Variants in UBR3 observed in about 807,000 individuals in gnomAD.
UBR3 encodes the protein E3 ubiquitin-protein ligase UBR3.
A neutral mutation model predicts 243.2 loss-of-function variants in UBR3; 85 were observed. The ratio of observed to expected loss-of-function variants is 0.35; its 90% CI spans 0.29 to 0.42. The LOEUF (loss-of-function observed/expected upper bound fraction) is 0.42. UBR3 is among the 10% of genes least tolerant of loss of function. The pLI, the probability that UBR3 is intolerant of heterozygous loss-of-function variation, is 1.00. For missense variants in UBR3, 1,686 were observed against 2,300.8 expected (o/e 0.73, Z 5.47); for synonymous variants, 748 against 799.8 (o/e 0.94, Z 1.09).
At chr2:169,997,873 A>T (rs1333529431) in intron 26 of UBR3, among the ~76,000 whole-genome samples, 1 of 152,048 alleles carries the variant, frequency 6.6e-6, no homozygotes, top group Non-Finnish European at 1.5e-5. Context: ...GACCTGATAA[A>T]AGCACCATTT....
At chr2:169,909,036 G>C (rs919391560) in intron 10 of UBR3, among the ~76,000 whole-genome samples, 1 of 151,842 alleles carries the variant, frequency 6.6e-6, no homozygotes, top group East Asian at 1.9e-4. Flanking sequence ...CTGTAGCCAG[G>C]ATGGTCTCAA....
At chr2:169,829,812 AGTACACAC>A (rs1294289311) in intron 1 of UBR3, among the ~76,000 whole-genome samples, 1 of 128,796 alleles carries the variant, frequency 7.8e-6, no homozygotes, top group African/African-American at 3.1e-5. Flanking sequence ...ATAGCTAAAA[AGTACACAC>A]ACACACACAC....
intron 5 of UBR3, among the ~76,000 whole-genome samples, chr2:169,890,565 G>GTGTGTGTATATATATATGTATATATATA (rs1559064202): frequency 2.8e-5 from 2 of 71,186 alleles, no homozygotes; most frequent in African/African-American, 1.5e-4. Flanking sequence ...ATATATATAT[G>GTGTGTGTATATATATATGTATATATATA]TGTATATATA....
chr2:170,031,884 A>T (rs1219257718), intron 31 of UBR3, among the ~76,000 whole-genome samples: 2 of 152,148 alleles, frequency 1.3e-5, no homozygotes, highest in East Asian at 3.8e-4. Context: ...ATAGTAGTCC[A>T]TGGTATATAG....
At position 169,906,026 on chromosome 2, in the gene UBR3, G is replaced by T. The variant is rs2084998134; in HGVS notation, c.1646-5G>T. On this transcript the variant is annotated splice_polypyrimidine_tract_variant and splice_region_variant and intron_variant, in intron 9 of 38. Transcript: ENST00000272793. The stretch of plus-strand genomic sequence containing the variant: ...AAGGTTTATATCTGCTTTAATTTTT[G>T]CCAGGTATGAACTTAAACAAGCGAG... 6.5e-7 allele frequency: 1 copy of T among 1,547,684 alleles called. No individual in the cohort carries two copies. The highest frequency in any genetic ancestry group is 8.7e-7 in the Non-Finnish European group (1 of 1,145,902).
intron 25 of UBR3, among the ~76,000 whole-genome samples, chr2:169,993,516 A>C (rs1452441127): frequency 6.6e-6 from 1 of 152,174 alleles, no homozygotes; most frequent in African/African-American, 2.4e-5. Context: ...TGTTCCATAG[A>C]ATATCTCAGA....
intron 1 of UBR3, among the ~76,000 whole-genome samples, chr2:169,853,652 G>C (rs2082738384): frequency 6.6e-6 from 1 of 152,040 alleles, no homozygotes. Flanking sequence ...GTTTCACCAT[G>C]TTGGCCAGGC....
At chr2:169,962,528 T>C (rs575181027) in intron 24 of UBR3, among the ~76,000 whole-genome samples, 3 of 152,332 alleles carry the variant, frequency 2.0e-5, no homozygotes, top group East Asian at 3.9e-4. Context: ...TATTTTGTTA[T>C]ACAGCAATAC....
chr2:170,005,170 G>A (rs1300732033), intron 27 of UBR3, among the ~76,000 whole-genome samples: 1 of 151,980 alleles, frequency 6.6e-6, no homozygotes, highest in Non-Finnish European at 1.5e-5. Flanking sequence ...TTTGCAGTCA[G>A]CTGAGATCGC....
At chr2:170,055,828 GC>G (rs1194116671) in intron 33 of UBR3, among the ~76,000 whole-genome samples, 4 of 152,008 alleles carry the variant, frequency 2.6e-5, no homozygotes, top group Admixed American at 2.0e-4. Flanking sequence ...TTTTCTGCAA[GC>G]CTTAAACTTA....
chr2:169,896,760 T>C, intron 8 of UBR3, 25 bp downstream of exon 8: 1 of 1,481,884 alleles, frequency 6.7e-7, no homozygotes, highest in Non-Finnish European at 9.2e-7. Context: ...TATTCACTAG[T>C]TCTATTATTA....
chr2:170,065,542 C>G (rs113662746), intron 35 of UBR3, among the ~76,000 whole-genome samples: 4 of 152,158 alleles, frequency 2.6e-5, no homozygotes, highest in Non-Finnish European at 4.4e-5. Flanking sequence ...ATCCACCCCC[C>G]TCAGCTCCCA....
At position 169,928,774 on chromosome 2, in the gene UBR3, C is replaced by T. The variant is rs776380152; in HGVS notation, c.2472C>T (p.Tyr824=). 15 of 1,508,926 alleles carry T rather than the reference C, an allele frequency of 9.9e-6. No homozygotes were observed. In the Middle Eastern group the frequency reaches 1.2e-3, roughly 122 times the overall value. 93.5% of individuals were successfully genotyped at this position (1,508,926 alleles called of 1,614,324 possible). A position where few individuals can be genotyped will look rare whatever the true frequency, so the allele number is the denominator to read the frequency against. Reference sequence around the variant, plus strand: ...AAAGTGGCATTATTCCAGGCAGTTACAGCTTTGAATCAGTTTTATCAGCTG... The same window carrying T: ...AAAGTGGCATTATTCCAGGCAGTTATAGCTTTGAATCAGTTTTATCAGCTG... ...NPKSGIIPGS[Y]SFESVLSAVA... Residue 824 remains tyrosine (Y), a synonymous_variant, in exon 18 of 39, where the codon TAC becomes TAT. Coordinates refer to ENST00000272793, the MANE Select transcript of UBR3 (RefSeq NM_172070.4).
chr2:169,994,411 C>T lies in UBR3; in HGVS notation c.3873C>T (p.Ala1291=), dbSNP rs760876539. 10 of 1,614,062 alleles carry T rather than the reference C, an allele frequency of 6.2e-6. No homozygotes were observed. Among genetic ancestry groups the T allele is most frequent in the African/African-American group, 1.3e-5 (1 of 75,000 alleles). The change falls in exon 26 of 39, where the codon GCC becomes GCT. Residue 1291 remains alanine, a synonymous_variant. Transcript: ENST00000272793. ...EQIYPWDTCA[A]VHDVRLSLLQ... is the part of the protein sequence containing the mutation. Reference sequence around the variant, plus strand: ...TTTACCCTTGGGATACCTGTGCAGCCGTTCATGATGTGAGGCTTTCATTAT... The same window carrying T: ...TTTACCCTTGGGATACCTGTGCAGCTGTTCATGATGTGAGGCTTTCATTAT...
At chr2:169,875,109 T>A (rs896485921) in intron 2 of UBR3, among the ~76,000 whole-genome samples, 2 of 152,136 alleles carry the variant, frequency 1.3e-5, no homozygotes, top group South Asian at 4.1e-4. Flanking sequence ...TCAGCTAACA[T>A]GTATCTGTAT....
At chr2:169,933,410 T>C (rs978527300) in intron 19 of UBR3, among the ~76,000 whole-genome samples, 3 of 152,182 alleles carry the variant, frequency 2.0e-5, no homozygotes, top group Non-Finnish European at 4.4e-5. Context: ...TCATGACAAC[T>C]GGGAAAATAG....
intron 1 of UBR3, among the ~76,000 whole-genome samples, chr2:169,856,588 C>T (rs903635949): frequency 2.0e-5 from 3 of 152,176 alleles, no homozygotes; most frequent in Non-Finnish European, 1.5e-5. Context: ...CCCGGCACCT[C>T]GGGAGGCCGA....
chr2:169,974,586 A>G (rs2088335662), intron 24 of UBR3, among the ~76,000 whole-genome samples: 2 of 151,914 alleles, frequency 1.3e-5, no homozygotes, highest in African/African-American at 4.8e-5. Flanking sequence ...TGGTTTGTCA[A>G]TTTTATCTTT....
intron 16 of UBR3, 92 bp downstream of exon 16, chr2:169,927,063 A>G (rs1468400260): frequency 7.2e-7 from 1 of 1,395,642 alleles, no homozygotes; most frequent in Non-Finnish European, 9.7e-7. Flanking sequence ...GGAAAAAAGG[A>G]AAGGATGTAG....
Sources: gnomAD v4.1 joint callset for allele counts (sites outside exome capture counted in the v4.1 genomes callset) on GRCh38, gnomAD v4.1.1 for gene constraint, MANE v1.5 for transcripts, NCBI Gene and HGNC (gene_info 2026-07-23, HGNC 2026-07-21) for gene names.